Variants in GALNT13 observed in about 807,000 individuals in gnomAD.
GALNT13 encodes UDP-GalNAc:polypeptide N-acetylgalactosaminyltransferase 13.
GALNT13 carries 28 observed loss-of-function variants against 64.2 expected under a neutral mutation model. The observed-to-expected ratio is 0.44, with a 90% CI of 0.32 to 0.60. The LOEUF is 0.60. Ranked by LOEUF, GALNT13 falls within the 20% of genes least tolerant of loss-of-function variation. The pLI, the probability that GALNT13 is intolerant of heterozygous loss-of-function variation, is 0.05. For missense variants in GALNT13, 577 were observed against 669.8 expected (o/e 0.86, Z 1.53); for synonymous variants, 214 against 224.6 (o/e 0.95, Z 0.42).
the GALNT13 span, among the ~76,000 whole-genome samples, chr2:153,250,687 A>G: frequency 6.6e-6 from 1 of 152,238 alleles, no homozygotes; most frequent in Non-Finnish European, 1.5e-5. Flanking sequence ...TACACCATGA[A>G]ATATTATACA....
intron 11 of GALNT13, among the ~76,000 whole-genome samples, chr2:154,424,659 G>T (rs1700395952): frequency 6.6e-6 from 1 of 152,168 alleles, no homozygotes; most frequent in South Asian, 2.1e-4. Flanking sequence ...CTCTTTGAGG[G>T]ACTGACTCCG....
At chr2:154,322,041 C>A (rs1694649179) in intron 9 of GALNT13, among the ~76,000 whole-genome samples, 1 of 151,136 alleles carries the variant, frequency 6.6e-6, no homozygotes, top group South Asian at 2.1e-4. Flanking sequence ...CTTTGGTTCC[C>A]ATTTATGGAA....
intron 3 of GALNT13, among the ~76,000 whole-genome samples, chr2:153,996,591 C>G (rs181820003): frequency 6.6e-6 from 1 of 152,038 alleles, no homozygotes; most frequent in African/African-American, 2.4e-5. Flanking sequence ...TTGTCAGATG[C>G]ATAGTTTGCA....
intron 10 of GALNT13, among the ~76,000 whole-genome samples, chr2:154,402,248 G>A (rs369996208): frequency 1.3e-5 from 2 of 152,152 alleles, no homozygotes; most frequent in South Asian, 2.1e-4. Context: ...TGGTGGGGGC[G>A]TGGGCAGTAT....
chr2:154,022,300 C>A (rs1164353454), intron 3 of GALNT13, among the ~76,000 whole-genome samples: 1 of 152,140 alleles, frequency 6.6e-6, no homozygotes, highest in Non-Finnish European at 1.5e-5. Context: ...CTTTTTATCT[C>A]TGGTAGAATT....
At chr2:153,845,596 G>C in the GALNT13 span, among the ~76,000 whole-genome samples, 1 of 152,098 alleles carries the variant, frequency 6.6e-6, no homozygotes, top group Non-Finnish European at 1.5e-5. Context: ...GATTTGGACG[G>C]GGACAGATAT....
the GALNT13 span, among the ~76,000 whole-genome samples, chr2:153,215,506 A>T: frequency 6.6e-6 from 1 of 152,116 alleles, no homozygotes; most frequent in African/African-American, 2.4e-5. Context: ...TAACTGCAAA[A>T]TCCATATTGC....
intron 3 of GALNT13, among the ~76,000 whole-genome samples, chr2:154,018,368 C>G (rs997457886): frequency 2.0e-5 from 3 of 152,156 alleles, no homozygotes; most frequent in African/African-American, 7.2e-5. Context: ...AGTAATTGTC[C>G]ACACCTTGTC....
chr2:153,852,438 G>A, the GALNT13 span, among the ~76,000 whole-genome samples: 2 of 152,150 alleles, frequency 1.3e-5, no homozygotes, highest in Non-Finnish European at 2.9e-5. Flanking sequence ...GTGACATAAT[G>A]AGGTTAATTC....
At chr2:154,314,590 T>C (rs1447525566) in intron 9 of GALNT13, among the ~76,000 whole-genome samples, 1 of 152,174 alleles carries the variant, frequency 6.6e-6, no homozygotes, top group Non-Finnish European at 1.5e-5. Context: ...TCAGGCTGCT[T>C]CCACTCACGG....
chr2:153,829,003 T>C, the GALNT13 span, among the ~76,000 whole-genome samples: 66,014 of 151,986 alleles, frequency 0.43, 15,370 homozygotes, highest in Admixed American at 0.59. Context: ...GAGTCACCTT[T>C]GCTCCAGTTC....
chr2:153,720,129 GCCT>G, the GALNT13 span, among the ~76,000 whole-genome samples: 1 of 145,370 alleles, frequency 6.9e-6, no homozygotes, highest in Non-Finnish European at 1.5e-5. Flanking sequence ...CGGGCAGACT[GCCT>G]CCTCAAGTGG....
chr2:153,388,503 G>T, the GALNT13 span, among the ~76,000 whole-genome samples: 1 of 152,040 alleles, frequency 6.6e-6, no homozygotes, highest in Admixed American at 6.6e-5. Flanking sequence ...TTAGCTCATT[G>T]TCAGGATTTT....
At chr2:153,123,629 G>A in the GALNT13 span, among the ~76,000 whole-genome samples, 3 of 152,162 alleles carry the variant, frequency 2.0e-5, no homozygotes. Flanking sequence ...AGATCTATCA[G>A]AGATCTTTGG....
chr2:154,011,900 T>C (rs181457781), intron 3 of GALNT13, among the ~76,000 whole-genome samples: 3 of 152,308 alleles, frequency 2.0e-5, no homozygotes, highest in East Asian at 1.9e-4. Flanking sequence ...ATTTTTAATT[T>C]TACATTTACT....
chr2:153,687,108 G>T, the GALNT13 span, among the ~76,000 whole-genome samples: 40 of 151,638 alleles, frequency 2.6e-4, no homozygotes, highest in African/African-American at 9.4e-4. Flanking sequence ...TTTTATTTTT[G>T]TGTGTGTGTG....
At chr2:153,773,872 C>T in the GALNT13 span, among the ~76,000 whole-genome samples, 1 of 152,054 alleles carries the variant, frequency 6.6e-6, no homozygotes. Context: ...TATCCCAAGA[C>T]AATTATATAT....
chr2:154,341,565 T>C (rs1038110478), intron 9 of GALNT13, among the ~76,000 whole-genome samples: 5 of 151,976 alleles, frequency 3.3e-5, no homozygotes, highest in Non-Finnish European at 7.4e-5. Context: ...AGGAGACCCA[T>C]GTGACTGCAG....
the GALNT13 span, among the ~76,000 whole-genome samples, chr2:153,226,623 ATACCTTACC>A: frequency 1.3e-5 from 2 of 152,304 alleles, no homozygotes; most frequent in East Asian, 3.9e-4. Context: ...ATTCTACAAA[ATACCTTACC>A]AGTACTTTTC....
Sources: allele counts gnomAD v4.1 joint callset (sites outside exome capture counted in the v4.1 genomes callset), GRCh38; gene constraint gnomAD v4.1.1; transcripts MANE v1.5; gene names NCBI Gene and HGNC (gene_info 2026-07-23, HGNC 2026-07-21).